Variants in DAW1 observed in about 807,000 individuals in gnomAD.
DAW1 encodes dynein assembly factor with WD repeat domains 1.
DAW1 carries 47 observed loss-of-function variants against 56.5 expected under a neutral mutation model. The ratio of observed to expected loss-of-function variants is 0.83; its 90% CI spans 0.66 to 1.06. The LOEUF (loss-of-function observed/expected upper bound fraction) is 1.06. Among genes scored for constraint, DAW1 ranks in the 50% least tolerant of loss-of-function variants. DAW1 has a pLI of 0.00. For synonymous variants in DAW1, 190 were observed against 179.0 expected (o/e 1.06, Z -0.49); for missense variants, 505 against 499.3 (o/e 1.01, Z -0.11).
At chr2:227,908,326 C>A (rs1285034696) in intron 10 of DAW1, among the ~76,000 whole-genome samples, 1 of 152,172 alleles carries the variant, frequency 6.6e-6, no homozygotes, top group Non-Finnish European at 1.5e-5. Context: ...TGATGCAAAA[C>A]CATGATCATC....
At chr2:227,896,387 G>A (rs1237435334) in intron 5 of DAW1, among the ~76,000 whole-genome samples, 1 of 152,130 alleles carries the variant, frequency 6.6e-6, no homozygotes, top group East Asian at 1.9e-4. Context: ...TGAGAATGAA[G>A]TTTTCTCTTG....
intron 3 of DAW1, among the ~76,000 whole-genome samples, chr2:227,890,966 A>G (rs1691247685): frequency 6.6e-6 from 1 of 152,242 alleles, no homozygotes; most frequent in Non-Finnish European, 1.5e-5. Flanking sequence ...GAGCTTCAGG[A>G]TTCATAAAGT....
chr2:227,871,807 G>A lies in DAW1; in HGVS notation c.40+78G>A. On this transcript the variant is annotated intron_variant, in intron 1 of 12. Transcript: ENST00000309931. Reference sequence around the variant, plus strand: ...CTGGGAGGGTTTGGGGCGGAGGAGGGCGCAGCCACTGAAAGGCGGCGGGGT... The same window carrying A: ...CTGGGAGGGTTTGGGGCGGAGGAGGACGCAGCCACTGAAAGGCGGCGGGGT... The A allele has an allele frequency of 2.5e-6, 4 of 1,584,408 alleles. 1 individual carries two copies. Among genetic ancestry groups the A allele is most frequent in the Non-Finnish European group, 3.4e-6 (4 of 1,163,630 alleles).
chr2:227,923,871 G>A, intron 12 of DAW1, 63 bp from the exon 13 acceptor site: 2 of 1,592,158 alleles, frequency 1.3e-6, no homozygotes, highest in Non-Finnish European at 1.7e-6. Flanking sequence ...TCAACTTGTA[G>A]AAAGAGAGAA....
intron 6 of DAW1, among the ~76,000 whole-genome samples, chr2:227,901,908 G>A (rs1691555474): frequency 6.6e-6 from 1 of 152,158 alleles, no homozygotes; most frequent in Non-Finnish European, 1.5e-5. Context: ...ATCTCCCCTA[G>A]GTGTACAGGG....
chr2:227,886,665 G>A (rs1691137624), intron 2 of DAW1, among the ~76,000 whole-genome samples: 1 of 152,178 alleles, frequency 6.6e-6, no homozygotes, highest in South Asian at 2.1e-4. Context: ...TCAAGGCCAA[G>A]GCCAAGTGTG....
Position 227,907,237 on chromosome 2 carries a change from A to T in DAW1, c.958A>T (p.Thr320Ser). The T allele has an allele frequency of 6.2e-7, 1 of 1,612,924 alleles. No individual in the cohort carries two copies. The change falls in exon 10 of 13, where the codon ACT (threonine) becomes TCT (serine). Residue 320 changes from threonine (T) to serine (S), a missense_variant. Physicochemically the swap from Thr to Ser is moderately conservative, Grantham distance 58. Coordinates refer to ENST00000309931, the MANE Select transcript of DAW1 (RefSeq NM_178821.3). ...TGATTACACTGGAAAGCTTATTGCA[A>T]CTGCTTCAGCTGATGGTAGGTGATC... is the stretch of plus-strand genomic sequence containing the variant. ...CFDYTGKLIATASADGTARIF... is the reference protein window; with the variant it reads ...CFDYTGKLIASASADGTARIF...
chr2:227,878,360 A>T (rs1690934681), intron 1 of DAW1, among the ~76,000 whole-genome samples: 1 of 152,210 alleles, frequency 6.6e-6, no homozygotes, highest in African/African-American at 2.4e-5. Flanking sequence ...GTATGTTTAA[A>T]GTATGTATCT....
At chr2:227,899,491 A>C (rs1179347430) in intron 6 of DAW1, among the ~76,000 whole-genome samples, 1 of 152,240 alleles carries the variant, frequency 6.6e-6, no homozygotes, top group Non-Finnish European at 1.5e-5. Flanking sequence ...AACAAAATAT[A>C]ACCACCTCTC....
chr2:227,907,383 G>A (rs184188249), intron 10 of DAW1, 131 bp downstream of exon 10: 125 of 683,492 alleles, frequency 1.8e-4, no homozygotes, highest in Non-Finnish European at 2.5e-4. Context: ...CATCTCTATC[G>A]TGACCATGTA....
At chr2:227,915,192 G>A (rs1468802748) in intron 10 of DAW1, among the ~76,000 whole-genome samples, 3 of 152,046 alleles carry the variant, frequency 2.0e-5, no homozygotes, top group Admixed American at 6.6e-5. Flanking sequence ...TTTTATTCAT[G>A]TTGTGTAGTG....
intron 3 of DAW1, 40 bp downstream of exon 3, chr2:227,890,040 G>A: frequency 6.8e-7 from 1 of 1,461,986 alleles, no homozygotes. Flanking sequence ...GAATTTCAGT[G>A]AAATGATTGA....
intron 8 of DAW1, among the ~76,000 whole-genome samples, chr2:227,905,488 T>C (rs1419180430): frequency 6.6e-6 from 1 of 152,238 alleles, no homozygotes; most frequent in Non-Finnish European, 1.5e-5. Flanking sequence ...AAAACTCTAC[T>C]CTTGGATTTG....
intron 1 of DAW1, among the ~76,000 whole-genome samples, chr2:227,884,213 A>G (rs929146321): frequency 6.6e-6 from 1 of 152,040 alleles, no homozygotes; most frequent in African/African-American, 2.4e-5. Flanking sequence ...TTTAATAAAT[A>G]TTTTCTGGGA....
intron 1 of DAW1, among the ~76,000 whole-genome samples, chr2:227,877,802 A>G (rs1265919026): frequency 6.6e-6 from 1 of 152,220 alleles, no homozygotes. Flanking sequence ...AGTAATGCTC[A>G]CTTGCCCGCC....
At chr2:227,919,682 A>G (rs116236899) in intron 11 of DAW1, among the ~76,000 whole-genome samples, 189 of 152,336 alleles carry the variant, frequency 1.2e-3, no homozygotes, top group African/African-American at 4.4e-3. Flanking sequence ...CCAAAGGATC[A>G]TTCACGGAGC....
At chr2:227,905,124 T>A in intron 8 of DAW1, 89 bp downstream of exon 8, 2 of 982,700 alleles carry the variant, frequency 2.0e-6, no homozygotes, top group Non-Finnish European at 3.0e-6. Flanking sequence ...TACTATCTAT[T>A]AACTCTGCTT....
chr2:227,885,215 G>T, intron 1 of DAW1, 136 bp from the exon 2 acceptor site: 1 of 556,146 alleles, frequency 1.8e-6, no homozygotes, highest in South Asian at 3.0e-5. Context: ...TTTGGAACTA[G>T]ATATCACTGC....
chr2:227,918,785 G>A lies in DAW1; in HGVS notation c.979G>A (p.Ala327Thr), dbSNP rs1257848643. 1.2e-6 allele frequency: 2 copies of A among 1,613,878 alleles called. No individual in the cohort carries two copies. Among genetic ancestry groups the A allele is most frequent in the African/African-American group, 2.7e-5 (2 of 74,856 alleles). Residue 327 changes from alanine (A) to threonine (T), a missense_variant, in exon 11 of 13, where the codon GCA (alanine) becomes ACA (threonine). Coordinates refer to ENST00000309931, the MANE Select transcript of DAW1 (RefSeq NM_178821.3). ...TCCCCACCCCTCTCAAAAAGGAACA[G>A]CAAGAATTTTCAGTGCTGCCACAAG... Reference protein sequence around the residue: ...LIATASADGTARIFSAATRKC... With the variant: ...LIATASADGTTRIFSAATRKC...
Sources: allele counts gnomAD v4.1 joint callset (sites outside exome capture counted in the v4.1 genomes callset), GRCh38; gene constraint gnomAD v4.1.1; transcripts MANE v1.5; gene names NCBI Gene and HGNC (gene_info 2026-07-23, HGNC 2026-07-21).